RIMS2: variants seen among roughly 807,000 people sequenced by gnomAD.
RIMS2 encodes the protein regulating synaptic membrane exocytosis protein 2.
Under a neutral mutation model 174.4 loss-of-function variants are expected in RIMS2, and 59 were observed. The observed-to-expected ratio is 0.34, with a 90% CI of 0.27 to 0.42. The LOEUF is 0.42. Among genes scored for constraint, RIMS2 ranks in the 10% least tolerant of loss-of-function variants. RIMS2 has a pLI of 1.00. For synonymous variants in RIMS2, 606 were observed against 572.5 expected, an observed-to-expected ratio of 1.06 and a Z score of -0.84; for missense variants, 1,620 against 1,666.3, an observed-to-expected ratio of 0.97 and a Z score of 0.48.
At chr8:103,799,275 A>G (rs1477024334) in intron 3 of RIMS2, among the ~76,000 whole-genome samples, 1 of 152,184 alleles carries the variant, frequency 6.6e-6, no homozygotes. Flanking sequence ...TGTGTTTTGA[A>G]CCATTTAATT....
At chr8:103,922,594 C>A (rs2077901921) in intron 10 of RIMS2, 2 of 374,636 alleles carry the variant, frequency 5.3e-6, no homozygotes, top group South Asian at 2.0e-5. Context: ...TATTAAAAAG[C>A]TGTTTAGGTT....
intron 1 of RIMS2, among the ~76,000 whole-genome samples, chr8:103,629,258 A>G (rs763236917): frequency 4.6e-5 from 7 of 152,244 alleles, no homozygotes; most frequent in Non-Finnish European, 8.8e-5. Context: ...AGGATTACTG[A>G]GAGGGTTAGA....
At chr8:104,081,995 C>A (rs889103716) in intron 19 of RIMS2, among the ~76,000 whole-genome samples, 2 of 151,746 alleles carry the variant, frequency 1.3e-5, no homozygotes, top group African/African-American at 4.8e-5. Flanking sequence ...TTTCAGTGGT[C>A]ATTCAGTGGT....
chr8:103,879,594 C>T (rs910108415), intron 3 of RIMS2, among the ~76,000 whole-genome samples: 1 of 151,428 alleles, frequency 6.6e-6, no homozygotes, highest in Non-Finnish European at 1.5e-5. Flanking sequence ...TCCACATCTT[C>T]CCCCCAATCT....
chr8:103,758,916 A>G (rs1591799381), intron 2 of RIMS2, among the ~76,000 whole-genome samples: 2 of 152,202 alleles, frequency 1.3e-5, no homozygotes, highest in East Asian at 3.9e-4. Flanking sequence ...TTTTAATTGG[A>G]TGAAATCGAT....
intron 1 of RIMS2, among the ~76,000 whole-genome samples, chr8:103,609,487 G>T (rs2095289251): frequency 6.6e-6 from 1 of 152,082 alleles, no homozygotes; most frequent in Non-Finnish European, 1.5e-5. Context: ...TATAGTTTCA[G>T]GCTTTACATT....
At chr8:103,577,314 C>A (rs892547676) in intron 1 of RIMS2, among the ~76,000 whole-genome samples, 9 of 152,114 alleles carry the variant, frequency 5.9e-5, no homozygotes, top group Non-Finnish European at 1.3e-4. Context: ...CCAACAGACA[C>A]ATGAAAAAAA....
chr8:103,921,164 A>G (rs1290356282), intron 9 of RIMS2, among the ~76,000 whole-genome samples: 1 of 152,144 alleles, frequency 6.6e-6, no homozygotes, highest in East Asian at 1.9e-4. Context: ...AGTGACAATA[A>G]ATATTTAACA....
At chr8:103,746,757 T>A (rs1219713285) in intron 2 of RIMS2, among the ~76,000 whole-genome samples, 1 of 152,090 alleles carries the variant, frequency 6.6e-6, no homozygotes, top group Admixed American at 6.5e-5. Context: ...CTCGGCTCAC[T>A]GCAACCTCCG....
chr8:103,907,533 C>G (rs2154526306), intron 4 of RIMS2, among the ~76,000 whole-genome samples: 1 of 151,282 alleles, frequency 6.6e-6, no homozygotes, highest in East Asian at 2.0e-4. Context: ...CCTTTTTTTT[C>G]TCTGCATGCT....
At chr8:103,700,371 C>T (rs12547819) in intron 2 of RIMS2, among the ~76,000 whole-genome samples, 1 of 151,774 alleles carries the variant, frequency 6.6e-6, no homozygotes, top group Non-Finnish European at 1.5e-5. Context: ...TGGTCTAATA[C>T]ATGTATATAG....
chr8:103,933,288 G>GACACACACACACACACACACAC (rs55909886), intron 12 of RIMS2, among the ~76,000 whole-genome samples: 5 of 119,766 alleles, frequency 4.2e-5, no homozygotes, highest in South Asian at 3.2e-4. Flanking sequence ...TCGAGACTCT[G>GACACACACACACACACACACAC]ACACACACAC....
At chr8:103,828,769 A>G (rs2098807048) in intron 3 of RIMS2, among the ~76,000 whole-genome samples, 1 of 152,144 alleles carries the variant, frequency 6.6e-6, no homozygotes, top group African/African-American at 2.4e-5. Flanking sequence ...GTCCAGATTC[A>G]ATCTTCTGCA....
At chr8:103,838,899 A>G (rs1236503115) in intron 3 of RIMS2, among the ~76,000 whole-genome samples, 1 of 152,164 alleles carries the variant, frequency 6.6e-6, no homozygotes, top group Non-Finnish European at 1.5e-5. Flanking sequence ...CCCCGTCTCT[A>G]CTAAAAATAC....
intron 19 of RIMS2, among the ~76,000 whole-genome samples, chr8:104,146,477 C>T (rs1005506902): frequency 3.3e-5 from 5 of 152,138 alleles, no homozygotes; most frequent in Admixed American, 2.6e-4. Context: ...AAACAAAGTT[C>T]TCATTAAAAT....
intron 13 of RIMS2, among the ~76,000 whole-genome samples, chr8:103,939,671 T>C (rs2154537180): frequency 6.6e-6 from 1 of 152,366 alleles, no homozygotes; most frequent in Non-Finnish European, 1.5e-5. Context: ...ATTGTCAGGA[T>C]ACAAGTTTTC....
At chr8:103,628,753 T>C (rs1186473764) in intron 1 of RIMS2, among the ~76,000 whole-genome samples, 1 of 50,480 alleles carries the variant, frequency 2.0e-5, no homozygotes, top group African/African-American at 1.1e-4. Context: ...CAGACCCATA[T>C]TAAAAAAAAA....
intron 1 of RIMS2, among the ~76,000 whole-genome samples, chr8:103,565,433 T>G (rs1048604415): frequency 6.6e-6 from 1 of 152,104 alleles, no homozygotes; most frequent in Non-Finnish European, 1.5e-5. Flanking sequence ...GCCTTCCAAG[T>G]AGCCAGGACT....
chr8:103,752,361 G>C (rs1303118163), intron 2 of RIMS2, among the ~76,000 whole-genome samples: 4 of 152,182 alleles, frequency 2.6e-5, no homozygotes, highest in Non-Finnish European at 5.9e-5. Flanking sequence ...TAGCCTTCTA[G>C]TATAGTTAGA....
Sources: gnomAD v4.1 joint callset for allele counts (sites outside exome capture counted in the v4.1 genomes callset) on GRCh38, gnomAD v4.1.1 for gene constraint, MANE v1.5 for transcripts, NCBI Gene and HGNC (gene_info 2026-07-23, HGNC 2026-07-21) for gene names.